The following LTO1 variants were observed in gnomAD, a reference collection of about 807,000 sequenced individuals.
LTO1 encodes the protein LTO1 maturation factor of ABCE1, also known as protein LTO1 homolog.
A neutral mutation model predicts 19.8 loss-of-function variants in LTO1; 18 were observed. The ratio of observed to expected loss-of-function variants is 0.91; its 90% CI spans 0.63 to 1.35. LTO1 has a LOEUF of 1.35. Ranked by LOEUF, LTO1 falls within the 40% of genes most tolerant of loss-of-function variation. The pLI is 0.00. For missense variants in LTO1, 175 were observed against 167.9 expected (o/e 1.04, Z -0.23); for synonymous variants, 59 against 59.6 (o/e 0.99, Z 0.05).
At chr11:69,672,787 C>G (rs1344948836) in intron 2 of LTO1, 3 of 314,280 alleles carry the variant, frequency 9.5e-6, no homozygotes, top group African/African-American at 6.5e-5. Context: ...AACTCCCATG[C>G]AAAGGCACTG....
rs952422412 is a variant in LTO1, at chr11:69,666,834, T to A, written c.*685A>T. 6.6e-6 allele frequency: 1 copy of A among 152,160 alleles called. No individual in the cohort carries two copies. Among genetic ancestry groups the A allele is most frequent in the Non-Finnish European group, 1.5e-5 (1 of 68,086 alleles). The allele number at this position is 152,160 out of a possible 1,614,324, so 9.4% of individuals were successfully genotyped here. A position where few individuals can be genotyped will look rare whatever the true frequency, so the allele number is the denominator to read the frequency against. ...GCTCCGTGAGGCTTGGCAGGACCTGTGCGGCCTGGGAGGGAGGGCAGGGAC... is the reference window on the plus strand; with the variant it reads ...GCTCCGTGAGGCTTGGCAGGACCTGAGCGGCCTGGGAGGGAGGGCAGGGAC... On this transcript the variant is annotated 3_prime_UTR_variant, in exon 5 of 5. Coordinates refer to ENST00000279147, the MANE Select transcript of LTO1 (RefSeq NM_153451.3).
intron 4 of LTO1, 73 bp from the exon 5 acceptor site, chr11:69,667,660 C>G: frequency 9.4e-7 from 1 of 1,068,956 alleles, no homozygotes; most frequent in East Asian, 2.4e-5. Context: ...AACTCTATCT[C>G]TAGCTATAGC....
intron 1 of LTO1, chr11:69,674,896 G>T (rs559129532): frequency 3.0e-6 from 2 of 663,116 alleles, no homozygotes; most frequent in Admixed American, 4.1e-5. Context: ...CCCAGAGGAC[G>T]AGGCGGCCTC....
Position 69,666,432 on chromosome 11 carries a change from G to A in LTO1, c.*1087C>T, listed in dbSNP as rs1856033647. On this transcript the variant is annotated 3_prime_UTR_variant, in exon 5 of 5. Coordinates refer to ENST00000279147, the MANE Select transcript of LTO1 (RefSeq NM_153451.3). ...ACCCTGGGGGGGTACACAGGAGGGTGTGTGAACACGTGCCATCACATATGA... is the reference window on the plus strand; with the variant it reads ...ACCCTGGGGGGGTACACAGGAGGGTATGTGAACACGTGCCATCACATATGA... 1 of 152,384 alleles carries A rather than the reference G, an allele frequency of 6.6e-6. No individual in the cohort carries two copies. Among genetic ancestry groups the A allele is most frequent in the South Asian group, 2.1e-4 (1 of 4,838 alleles). 9.4% of individuals were successfully genotyped at this position (152,384 alleles called of 1,614,324 possible). A position where few individuals can be genotyped will look rare whatever the true frequency, so the allele number is the denominator to read the frequency against.
intron 1 of LTO1, chr11:69,674,705 G>A (rs750756351): frequency 7.0e-5 from 32 of 455,624 alleles, no homozygotes; most frequent in South Asian, 4.8e-4. Flanking sequence ...GGCACTGGAA[G>A]TCAGCCAGGA....
intron 2 of LTO1, 128 bp downstream of exon 2, chr11:69,673,088 T>C (rs1387160383): frequency 8.3e-6 from 6 of 722,374 alleles, no homozygotes; most frequent in Non-Finnish European, 1.5e-5. Flanking sequence ...CAGGTGTGAG[T>C]CACCGCGCCC....
intron 1 of LTO1, 187 bp from the exon 2 acceptor site, chr11:69,673,508 G>C: frequency 3.5e-6 from 2 of 575,676 alleles, no homozygotes; most frequent in Non-Finnish European, 6.2e-6. Context: ...GCCTCTGGAA[G>C]TCACTGTACC....
chr11:69,674,880 T>C, intron 1 of LTO1: 1 of 644,466 alleles, frequency 1.6e-6, no homozygotes. Context: ...GGCAAAGGTC[T>C]GTCCTCCCAG....
chr11:69,673,632 AC>A (rs961298908), intron 1 of LTO1, among the ~76,000 whole-genome samples: 4 of 144,442 alleles, frequency 2.8e-5, no homozygotes, highest in African/African-American at 1.0e-4. Context: ...CAAAAGCCTC[AC>A]CCCCAGAGAT....
In LTO1 at chr11:69,667,546, A is replaced by G. The variant is rs576611944; in HGVS notation, c.387T>C (p.Ser129=). 8.7e-6 allele frequency: 14 copies of G among 1,611,666 alleles called. No individual in the cohort carries two copies. The Admixed American group carries it at 2.0e-4, about 23-fold the overall frequency. The change falls in exon 5 of 5, where the codon AGT becomes AGC. Residue 129 remains serine (S), a synonymous_variant. Coordinates refer to ENST00000279147, the MANE Select transcript of LTO1 (RefSeq NM_153451.3). ...LLNVQPDFKI[S]AEGSGLSF ...AAAATGAAAGTCCGGAACCTTCTGCACTAATTTTAAAGTCTGGCTGAACAT... is the reference window on the plus strand; with the variant it reads ...AAAATGAAAGTCCGGAACCTTCTGCGCTAATTTTAAAGTCTGGCTGAACAT...
At chr11:69,673,461 ACACAGATTCC>A in intron 1 of LTO1, 140 bp from the exon 2 acceptor site, 1 of 616,870 alleles carries the variant, frequency 1.6e-6, no homozygotes, top group Non-Finnish European at 2.9e-6. Context: ...AAGTCAGAAG[ACACAGATTCC>A]AGTCCCAGAT....
chr11:69,668,766 G>A (rs1334122630), intron 3 of LTO1, among the ~76,000 whole-genome samples: 8 of 151,796 alleles, frequency 5.3e-5, no homozygotes, highest in Non-Finnish European at 8.8e-5. Flanking sequence ...GGTGGCTCAC[G>A]CCTGTAATCC....
At chr11:69,670,471 G>C (rs1460681493) in intron 3 of LTO1, among the ~76,000 whole-genome samples, 1 of 152,210 alleles carries the variant, frequency 6.6e-6, no homozygotes, top group Non-Finnish European at 1.5e-5. Context: ...GCCGGCCGCT[G>C]CCTGAGAACC....
rs996284065 is a variant in LTO1, at chr11:69,666,172, A to G, written c.*1347T>C. Reference sequence around the variant, plus strand: ...TCCGTCTTAAAAGAAAAAACAAAACAAAAACAAAGCGAGCCACCGTGGAGA... The same window carrying G: ...TCCGTCTTAAAAGAAAAAACAAAACGAAAACAAAGCGAGCCACCGTGGAGA... On this transcript the variant is annotated 3_prime_UTR_variant, in exon 5 of 5. Transcript: ENST00000279147. 6.6e-6 allele frequency: 1 copy of G among 152,116 alleles called. No homozygotes were observed. The highest frequency in any genetic ancestry group is 2.4e-5 in the African/African-American group (1 of 41,408). The allele number at this position is 152,116 out of a possible 1,614,324, so 9.4% of individuals were successfully genotyped here.
At chr11:69,668,103 G>A in intron 3 of LTO1, 91 bp from the exon 4 acceptor site, 1 of 700,424 alleles carries the variant, frequency 1.4e-6, no homozygotes, top group East Asian at 2.5e-5. Flanking sequence ...CTGAAACCCA[G>A]CAGGTGCGCT....
At chr11:69,674,317 A>G (rs1468494033) in intron 1 of LTO1, among the ~76,000 whole-genome samples, 2 of 152,184 alleles carry the variant, frequency 1.3e-5, no homozygotes, top group Non-Finnish European at 2.9e-5. Context: ...ACAGAGAGAA[A>G]TGGCATCAGA....
intron 3 of LTO1, among the ~76,000 whole-genome samples, chr11:69,669,949 C>A (rs1856085154): frequency 6.6e-6 from 1 of 151,878 alleles, no homozygotes; most frequent in Admixed American, 6.6e-5. Flanking sequence ...TCTTAACATC[C>A]TTATTTGGAA....
intron 3 of LTO1, chr11:69,671,441 A>G (rs147740152): frequency 8.6e-5 from 23 of 267,738 alleles, no homozygotes; most frequent in Middle Eastern, 1.3e-3. Context: ...AATCAATGTC[A>G]ACATTATTTT....
intron 2 of LTO1, 57 bp from the exon 3 acceptor site, chr11:69,671,876 A>G: frequency 1.0e-6 from 1 of 984,372 alleles, no homozygotes. Flanking sequence ...CTACACTTTC[A>G]TTACCAAGAT....
Sources: gnomAD v4.1 joint callset for allele counts (sites outside exome capture counted in the v4.1 genomes callset) on GRCh38, gnomAD v4.1.1 for gene constraint, MANE v1.5 for transcripts, NCBI Gene and HGNC (gene_info 2026-07-23, HGNC 2026-07-21) for gene names.